The following CIB1 variants were observed in gnomAD, a reference collection of about 807,000 sequenced individuals.
CIB1 encodes the protein calcium and integrin binding 1, also known as calcium and integrin-binding protein 1.
A neutral mutation model predicts 25.0 loss-of-function variants in CIB1; 19 were observed. That is an observed-to-expected ratio of 0.76 (90% confidence interval 0.53 to 1.12). The LOEUF (loss-of-function observed/expected upper bound fraction) is 1.12. Ranked by LOEUF, CIB1 falls within the 50% of genes most tolerant of loss-of-function variation. The pLI is 0.00. For synonymous variants in CIB1, 104 were observed against 98.5 expected (o/e 1.06, Z -0.33); for missense variants, 236 against 242.6 (o/e 0.97, Z 0.18).
At chr15:90,231,608 C>G in intron 3 of CIB1, 101 bp from the exon 4 acceptor site, 3 of 1,400,934 alleles carry the variant, frequency 2.1e-6, no homozygotes, top group Non-Finnish European at 2.9e-6. Flanking sequence ...CCAGCGAGCT[C>G]AGCCTCGTGG....
the CIB1 span, chr15:90,250,592 A>G: frequency 6.3e-7 from 1 of 1,595,338 alleles, no homozygotes; most frequent in Admixed American, 1.7e-5. Context: ...TCTGATATAC[A>G]CTTCATTCCC....
At chr15:90,263,083 G>A in the CIB1 span, 3 of 1,536,108 alleles carry the variant, frequency 2.0e-6, no homozygotes, top group Non-Finnish European at 2.6e-6. Context: ...GGGTATTGTA[G>A]AGCAGCTCAC....
intron 2 of CIB1, among the ~76,000 whole-genome samples, chr15:90,232,615 C>T (rs1962523756): frequency 6.6e-6 from 1 of 152,136 alleles, no homozygotes; most frequent in Non-Finnish European, 1.5e-5. Context: ...GAAGTTGGCC[C>T]TAAAGAATTG....
chr15:90,257,591 G>A, the CIB1 span: 16 of 1,568,494 alleles, frequency 1.0e-5, no homozygotes, highest in Admixed American at 5.1e-5. Flanking sequence ...TGGAGAGGAC[G>A]GCCGCATGCA....
At chr15:90,255,878 C>T in the CIB1 span, 9 of 1,614,174 alleles carry the variant, frequency 5.6e-6, no homozygotes, top group Admixed American at 1.5e-4. Flanking sequence ...CTGGTGCCTC[C>T]CCGCAGAGTG....
the CIB1 span, among the ~76,000 whole-genome samples, chr15:90,240,575 G>A: frequency 1.3e-5 from 2 of 151,476 alleles, no homozygotes; most frequent in Non-Finnish European, 2.9e-5. Context: ...CACTTTGGGA[G>A]GCCAAGGCAA....
At chr15:90,253,301 G>A in the CIB1 span, 2 of 1,613,854 alleles carry the variant, frequency 1.2e-6, no homozygotes, top group Non-Finnish European at 1.7e-6. Context: ...AGGATGAAGA[G>A]TGGACTCTGT....
chr15:90,230,572 C>A (rs947785954), intron 6 of CIB1, 67 bp from the exon 7 acceptor site: 4 of 1,504,368 alleles, frequency 2.7e-6, no homozygotes, highest in Middle Eastern at 1.7e-4. Context: ...CCGAACTTGC[C>A]CCCTTCTCCC....
At chr15:90,239,709 T>A in the CIB1 span, among the ~76,000 whole-genome samples, 296 of 152,326 alleles carry the variant, frequency 1.9e-3, 1 homozygote, top group African/African-American at 6.8e-3. Context: ...CATATCTATC[T>A]ATCTATCTAT....
At position 90,232,290 on chromosome 15, in the gene CIB1, G is replaced by A. The variant is rs749922218; in HGVS notation, c.124C>T (p.Gln42Ter). Residue 42 changes from glutamine to a stop codon, truncating the protein, a stop_gained, in exon 3 of 7, where the codon CAG (glutamine) becomes TAG (stop). Coordinates refer to ENST00000328649, the MANE Select transcript of CIB1 (RefSeq NM_006384.4). LOFTEE classifies it high-confidence loss of function. ...CGAAGTGACGACTCCACGCTCCGCT[G>A]CTCCTGGGGAAGCAGCTCACAAAAC... The part of the protein sequence containing the change: ...RRFCELLPQE[Q>*]RSVESSLRAQ... The A allele has an allele frequency of 6.2e-7, 1 of 1,611,856 alleles. No homozygotes were observed. The highest frequency in any genetic ancestry group is 1.7e-5 in the Admixed American group (1 of 59,876).
chr15:90,249,166 G>T, the CIB1 span, among the ~76,000 whole-genome samples: 2 of 144,956 alleles, frequency 1.4e-5, no homozygotes, highest in African/African-American at 2.6e-5. Flanking sequence ...AGCTATGATG[G>T]TGCATTCCAC....
the CIB1 span, among the ~76,000 whole-genome samples, chr15:90,249,214 C>CA: frequency 0.17 from 15,305 of 87,836 alleles, 1,312 homozygotes; most frequent in African/African-American, 0.19. Flanking sequence ...GACCCCGTCT[C>CA]AAAAAAAAAA....
upstream of CIB1, among the ~76,000 whole-genome samples, chr15:90,238,067 A>G (rs1257198529): frequency 2.6e-5 from 4 of 152,200 alleles, no homozygotes; most frequent in African/African-American, 9.6e-5. Flanking sequence ...TGGGAGGCCA[A>G]CGCAGGTGGA....
At chr15:90,256,894 G>A in the CIB1 span, among the ~76,000 whole-genome samples, 38,998 of 151,558 alleles carry the variant, frequency 0.26, 6,126 homozygotes, top group East Asian at 0.69. Context: ...CACCATCTTG[G>A]CCAGGCTGGT....
Position 90,230,277 on chromosome 15 carries a change from T to C in CIB1, c.*207A>G, listed in dbSNP as rs1413378437. 8.1e-6 allele frequency: 5 copies of C among 614,614 alleles called. No individual in the cohort carries two copies. Among genetic ancestry groups the C allele is most frequent in the African/African-American group, 3.7e-5 (2 of 53,852 alleles). 38.1% of individuals were successfully genotyped at this position (614,614 alleles called of 1,614,324 possible). ...AAACTTCTAAACCTTTATTACTGATTAGTACAAACACAAACGGAGCAATGA... is the reference window on the plus strand; with the variant it reads ...AAACTTCTAAACCTTTATTACTGATCAGTACAAACACAAACGGAGCAATGA... On this transcript the variant is annotated 3_prime_UTR_variant, in exon 7 of 7. Transcript: ENST00000328649.
At chr15:90,265,714 T>C in the CIB1 span, 2 of 1,613,324 alleles carry the variant, frequency 1.2e-6, no homozygotes, top group Non-Finnish European at 8.5e-7. Flanking sequence ...TGCGTCGACA[T>C]GGCGGTTACC....
At chr15:90,265,080 C>A in the CIB1 span, 3 of 1,341,930 alleles carry the variant, frequency 2.2e-6, no homozygotes, top group Non-Finnish European at 3.0e-6. Context: ...AAAAGCCCTG[C>A]CCAGGAACCC....
rs557900089 is a variant in CIB1 at position 90,230,339 on chromosome 15, G to T, written c.*145C>A. The T allele has an allele frequency of 1.2e-6, 1 of 865,570 alleles. No homozygotes were observed. Among genetic ancestry groups the T allele is most frequent in the Non-Finnish European group, 1.8e-6 (1 of 547,382 alleles). 53.6% of individuals were successfully genotyped at this position (865,570 alleles called of 1,614,324 possible). ...AGGAGAGGCCCTGACAACGAGGGCC[G>T]CCCCTGCCCGGGGTGAGGCTGCACA... On this transcript the variant is annotated 3_prime_UTR_variant, in exon 7 of 7. Coordinates refer to ENST00000328649, the MANE Select transcript of CIB1 (RefSeq NM_006384.4).
At chr15:90,241,581 GC>G in the CIB1 span, 1 of 1,613,326 alleles carries the variant, frequency 6.2e-7, no homozygotes, top group Non-Finnish European at 8.5e-7. Flanking sequence ...CTATTACCTG[GC>G]CCACAGACTG....
Sources: allele counts gnomAD v4.1 joint callset (sites outside exome capture counted in the v4.1 genomes callset), GRCh38; gene constraint gnomAD v4.1.1; transcripts MANE v1.5; gene names NCBI Gene and HGNC (gene_info 2026-07-23, HGNC 2026-07-21).